The following IFT88 variants were observed in gnomAD, a reference collection of about 807,000 sequenced individuals.
IFT88 encodes the protein intraflagellar transport protein 88 homolog.
A neutral mutation model predicts 119.5 loss-of-function variants in IFT88; 74 were observed. That is an observed-to-expected ratio of 0.62 (90% CI 0.51 to 0.75). The LOEUF is 0.75. Ranked by LOEUF, IFT88 falls within the 30% of genes least tolerant of loss-of-function variation. The pLI, the probability that IFT88 is intolerant of heterozygous loss-of-function variation, is 0.00. For missense variants in IFT88, 961 were observed against 977.7 expected, an observed-to-expected ratio of 0.98 and a Z score of 0.23; for synonymous variants, 279 against 316.7, an observed-to-expected ratio of 0.88 and a Z score of 1.26.
In IFT88 at chr13:20,592,348, C is replaced by T; in HGVS notation, c.342C>T (p.Asp114=). ...TKAALRGSAF[D]PLSQSRGPAS... ...ATTGTGTCTCAGGCTCTGCATTTGA[C>T]CCCCTTAGTCAGTCAAGGGGCCCTG... The change falls in exon 7 of 26, where the codon GAC becomes GAT. Residue 114 remains aspartate, a synonymous_variant. Transcript: ENST00000351808. 6.2e-7 allele frequency: 1 copy of T among 1,609,524 alleles called. No homozygotes were observed. Among genetic ancestry groups the T allele is most frequent in the South Asian group, 1.1e-5 (1 of 90,120 alleles).
chr13:20,665,740 G>T (rs1414355167), intron 23 of IFT88, among the ~76,000 whole-genome samples: 2 of 152,236 alleles, frequency 1.3e-5, no homozygotes, highest in African/African-American at 2.4e-5. Context: ...GCATATGGAG[G>T]ACACAGTGAG....
At chr13:20,583,075 A>C (rs1448817570) in intron 3 of IFT88, 56 bp downstream of exon 3, 2 of 1,048,774 alleles carry the variant, frequency 1.9e-6, no homozygotes, top group Non-Finnish European at 1.5e-6. Context: ...CATGAAATTT[A>C]CCAGATTAAC....
chr13:20,618,232 T>G (rs556442310), intron 14 of IFT88, among the ~76,000 whole-genome samples: 19 of 152,200 alleles, frequency 1.2e-4, no homozygotes, highest in Non-Finnish European at 2.2e-4. Context: ...ATCAAAACTT[T>G]TTTATGTAGC....
intron 5 of IFT88, among the ~76,000 whole-genome samples, chr13:20,591,247 G>T (rs899574798): frequency 5.3e-5 from 8 of 152,118 alleles, no homozygotes; most frequent in Non-Finnish European, 1.2e-4. Flanking sequence ...TCCCATTGGG[G>T]TGTGGACATA....
At chr13:20,583,128 A>G (rs1566073890) in intron 3 of IFT88, 109 bp downstream of exon 3, 6 of 619,084 alleles carry the variant, frequency 9.7e-6, no homozygotes, top group African/African-American at 3.6e-5. Flanking sequence ...GATTATAACC[A>G]TCATTAAGTT....
chr13:20,614,044 T>C (rs2045146847), intron 13 of IFT88, among the ~76,000 whole-genome samples: 1 of 152,228 alleles, frequency 6.6e-6, no homozygotes, highest in Non-Finnish European at 1.5e-5. Context: ...TGCACAAATC[T>C]GTGACTATAC....
At chr13:20,640,369 C>T (rs1362766615) in intron 17 of IFT88, among the ~76,000 whole-genome samples, 6 of 150,932 alleles carry the variant, frequency 4.0e-5, no homozygotes, top group African/African-American at 1.2e-4. Context: ...GTCAGGAGAT[C>T]GAGACCATCC....
chr13:20,628,470 T>A (rs1168116250), intron 15 of IFT88, among the ~76,000 whole-genome samples: 1 of 152,226 alleles, frequency 6.6e-6, no homozygotes, highest in African/African-American at 2.4e-5. Context: ...TTTATTTTTA[T>A]TTTTTGTTTT....
chr13:20,600,337 G>A (rs2042389553), intron 11 of IFT88, among the ~76,000 whole-genome samples: 1 of 151,956 alleles, frequency 6.6e-6, no homozygotes, highest in Admixed American at 6.6e-5. Flanking sequence ...TCAAGACAAT[G>A]GGTGCTATAA....
intron 22 of IFT88, among the ~76,000 whole-genome samples, chr13:20,657,620 C>T (rs930392909): frequency 3.9e-5 from 6 of 152,072 alleles, no homozygotes; most frequent in South Asian, 2.1e-4. Flanking sequence ...ATGCTGGAAA[C>T]GACCATGTTA....
chr13:20,620,829 G>A (rs890077686), intron 14 of IFT88, among the ~76,000 whole-genome samples: 42 of 152,212 alleles, frequency 2.8e-4, no homozygotes, highest in Middle Eastern at 3.4e-3. Context: ...ACATCCAGCT[G>A]GTAGGACACT....
chr13:20,588,835 C>G (rs1396309885), intron 3 of IFT88, among the ~76,000 whole-genome samples: 1 of 152,188 alleles, frequency 6.6e-6, no homozygotes, highest in Non-Finnish European at 1.5e-5. Flanking sequence ...AATTGGATGT[C>G]AGCCCTTATG....
At chr13:20,598,625 C>T (rs1438990730) in intron 9 of IFT88, 26 bp from the exon 10 acceptor site, 1 of 1,480,076 alleles carries the variant, frequency 6.8e-7, no homozygotes, top group African/African-American at 1.4e-5. Context: ...TCTTATGTGT[C>T]TTTTCTATAA....
chr13:20,600,929 CAAAA>C (rs1480543552), intron 11 of IFT88, among the ~76,000 whole-genome samples: 1 of 151,620 alleles, frequency 6.6e-6, no homozygotes, highest in South Asian at 2.1e-4. Context: ...TGCTATTTGA[CAAAA>C]AAAGGAATGA....
In IFT88 at chr13:20,670,967, C is replaced by T; in HGVS notation, c.2176-6C>T. The T allele has an allele frequency of 6.2e-7, 1 of 1,612,952 alleles. No homozygotes were observed. On this transcript the variant is annotated splice_polypyrimidine_tract_variant and splice_region_variant and intron_variant, in intron 23 of 25. Transcript: ENST00000351808. ...TTCTTTTAAACTTGTCTTCTCTTTG[C>T]TCTAGCGCATAAAGTCAGGCAGAGA...
chr13:20,620,628 C>G (rs1489503155), intron 14 of IFT88, among the ~76,000 whole-genome samples: 1 of 152,100 alleles, frequency 6.6e-6, no homozygotes, highest in Non-Finnish European at 1.5e-5. Flanking sequence ...TGCAGTGGCG[C>G]GATCTCGGCT....
intron 16 of IFT88, among the ~76,000 whole-genome samples, chr13:20,634,591 G>A (rs759551879): frequency 6.6e-5 from 10 of 152,028 alleles, no homozygotes; most frequent in Non-Finnish European, 1.3e-4. Flanking sequence ...GCCAGGCATG[G>A]TGGTGCATAC....
chr13:20,614,964 T>C (rs1327604751), intron 13 of IFT88, among the ~76,000 whole-genome samples: 1 of 151,926 alleles, frequency 6.6e-6, no homozygotes. Flanking sequence ...TACAGGCGCC[T>C]GCCGCCACAC....
chr13:20,670,655 A>G (rs1206847393), intron 23 of IFT88, among the ~76,000 whole-genome samples: 1 of 151,002 alleles, frequency 6.6e-6, no homozygotes, highest in Non-Finnish European at 1.5e-5. Flanking sequence ...TAAACTAAAG[A>G]TCATGTTTAA....
Sources: gnomAD v4.1 joint callset for allele counts (sites outside exome capture counted in the v4.1 genomes callset) on GRCh38, gnomAD v4.1.1 for gene constraint, MANE v1.5 for transcripts, NCBI Gene and HGNC (gene_info 2026-07-23, HGNC 2026-07-21) for gene names.